Variants in CBLN2 observed in about 807,000 individuals in gnomAD.
CBLN2 encodes the protein cerebellin-2.
In CBLN2, 7 loss-of-function variants were observed where a neutral mutation model predicts 15.0. The observed-to-expected ratio is 0.47, with a 90% CI of 0.27 to 0.88. The LOEUF is 0.88. Ranked by LOEUF, CBLN2 falls within the 40% of genes least tolerant of loss-of-function variation. The pLI is 0.14. For synonymous variants in CBLN2, 149 were observed against 135.2 expected (o/e 1.10, Z -0.71); for missense variants, 242 against 304.5 (o/e 0.79, Z 1.53).
chr18:72,619,797 T>G (rs756785448), intron 1 of CBLN2, among the ~76,000 whole-genome samples: 3 of 152,246 alleles, frequency 2.0e-5, no homozygotes, highest in Non-Finnish European at 4.4e-5. Flanking sequence ...TATTATTTCT[T>G]AGTAACATAT....
At chr18:72,584,562 A>ACCTC (rs2069429776) in intron 1 of CBLN2, among the ~76,000 whole-genome samples, 1 of 152,096 alleles carries the variant, frequency 6.6e-6, no homozygotes, top group South Asian at 2.1e-4. Context: ...TCAGCCTCCC[A>ACCTC]AAGTGCTGGG....
At chr18:72,538,502 A>G in intron 4 of CBLN2, 129 bp from the exon 5 acceptor site, 3 of 1,414,478 alleles carry the variant, frequency 2.1e-6, no homozygotes, top group Non-Finnish European at 3.0e-6. Flanking sequence ...GGAGCCTGAC[A>G]GTGAGCACTC....
At chr18:72,565,160 A>G (rs2069286293) in intron 1 of CBLN2, among the ~76,000 whole-genome samples, 3 of 152,172 alleles carry the variant, frequency 2.0e-5, no homozygotes, top group Admixed American at 2.0e-4. Context: ...TGAAAGAGAA[A>G]GGATGGTAGT....
At chr18:72,616,360 T>G (rs2069662115) in intron 1 of CBLN2, among the ~76,000 whole-genome samples, 1 of 152,186 alleles carries the variant, frequency 6.6e-6, no homozygotes, top group Admixed American at 6.5e-5. Flanking sequence ...GGTGCATTTT[T>G]TCTTTCACTA....
At chr18:72,546,467 C>T (rs1047640016), upstream of CBLN2, among the ~76,000 whole-genome samples, 4 of 151,858 alleles carry the variant, frequency 2.6e-5, no homozygotes, top group Non-Finnish European at 4.4e-5. Context: ...ATATTTAAGT[C>T]AAGTGTTGGA....
chr18:72,588,597 C>T (rs2069458221), intron 1 of CBLN2, among the ~76,000 whole-genome samples: 1 of 152,196 alleles, frequency 6.6e-6, no homozygotes, highest in African/African-American at 2.4e-5. Flanking sequence ...GGGGAAGACA[C>T]ACTTCGACAG....
intron 1 of CBLN2, among the ~76,000 whole-genome samples, chr18:72,586,168 C>T (rs1275628805): frequency 6.6e-6 from 1 of 152,226 alleles, no homozygotes; most frequent in African/African-American, 2.4e-5. Context: ...GCATGCAGCC[C>T]TGGCCATGCC....
chr18:72,616,586 T>C (rs1425563695), intron 1 of CBLN2, among the ~76,000 whole-genome samples: 1 of 152,218 alleles, frequency 6.6e-6, no homozygotes, highest in Non-Finnish European at 1.5e-5. Flanking sequence ...GAGTATTTGT[T>C]TGAGTATGGA....
intron 1 of CBLN2, among the ~76,000 whole-genome samples, chr18:72,600,350 AT>A: frequency 6.6e-6 from 1 of 152,288 alleles, no homozygotes; most frequent in Admixed American, 6.5e-5. Context: ...TCAATATATG[AT>A]TCATATAGGA....
At chr18:72,584,991 C>A (rs2069432822) in intron 1 of CBLN2, among the ~76,000 whole-genome samples, 1 of 152,192 alleles carries the variant, frequency 6.6e-6, no homozygotes. Flanking sequence ...TCACTGTGCA[C>A]AGCCAGACAC....
rs567046798 is a variant in CBLN2, at chr18:72,553,521, G to A, written c.16-14749C>T. On this transcript the variant is annotated intron_variant, in intron 1 of 2. Coordinates refer to the CBLN2 transcript ENST00000581073. Reference sequence around the variant, plus strand: ...ATAGATATGAAAACAGATTATACGTGTACATATATATTACAAATGTGTGCA... The same window carrying A: ...ATAGATATGAAAACAGATTATACGTATACATATATATTACAAATGTGTGCA... 1.1e-4 allele frequency among the ~76,000 whole-genome samples: 17 copies of A among 152,142 alleles called. No individual in the cohort carries two copies. In the South Asian group the frequency reaches 3.5e-3, roughly 32 times the overall value.
At chr18:72,618,309 G>A in intron 1 of CBLN2, 1 of 435,640 alleles carries the variant, frequency 2.3e-6, no homozygotes, top group Admixed American at 3.4e-5. Flanking sequence ...TTAGCTGCGG[G>A]AGCTCTTCAT....
At chr18:72,628,414 A>G (rs1393354342) in intron 1 of CBLN2, among the ~76,000 whole-genome samples, 2 of 152,170 alleles carry the variant, frequency 1.3e-5, no homozygotes, top group East Asian at 3.9e-4. Flanking sequence ...TGACAGAGGG[A>G]GAAACTGAGC....
intron 3 of CBLN2, among the ~76,000 whole-genome samples, chr18:72,541,006 G>A (rs1169001933): frequency 6.6e-6 from 1 of 152,196 alleles, no homozygotes; most frequent in African/African-American, 2.4e-5. Context: ...CAAAAAGAAG[G>A]TCATAGCCTT....
intron 1 of CBLN2, among the ~76,000 whole-genome samples, chr18:72,590,437 G>A (rs1483735150): frequency 6.6e-6 from 1 of 151,940 alleles, no homozygotes; most frequent in Admixed American, 6.6e-5. Flanking sequence ...CAGAGCAAAT[G>A]AGACTCCATC....
intron 1 of CBLN2, among the ~76,000 whole-genome samples, chr18:72,551,838 C>G (rs1018893403): frequency 6.6e-6 from 1 of 152,176 alleles, no homozygotes; most frequent in Non-Finnish European, 1.5e-5. Context: ...TCCTTACCTT[C>G]TTGACTCACC....
rs187150653 is a variant in CBLN2, at chr18:72,582,306, G to A, written c.16-43534C>T. ...AATTTGCAGGCAGAAGCCTTTTAGT[G>A]TCTCCTAACTGACATGATCTGAGTG... On this transcript the variant is annotated intron_variant, in intron 1 of 2. Coordinates refer to the CBLN2 transcript ENST00000581073. Among the ~76,000 whole-genome samples, 10 of 152,280 alleles carry A rather than the reference G, an allele frequency of 6.6e-5. No individual in the cohort carries two copies. In the East Asian group the frequency reaches 1.7e-3, roughly 26 times the overall value.
intron 1 of CBLN2, among the ~76,000 whole-genome samples, chr18:72,554,082 C>A (rs2069208502): frequency 6.6e-6 from 1 of 152,102 alleles, no homozygotes; most frequent in Non-Finnish European, 1.5e-5. Flanking sequence ...ATAATCTCTT[C>A]TATAATTTAT....
At chr18:72,583,052 A>T (rs967792819) in intron 1 of CBLN2, among the ~76,000 whole-genome samples, 2 of 152,116 alleles carry the variant, frequency 1.3e-5, no homozygotes, top group South Asian at 4.1e-4. Context: ...GAATTTGCAG[A>T]ACTGAAGTGA....
Sources: gnomAD v4.1 joint callset for allele counts (sites outside exome capture counted in the v4.1 genomes callset) on GRCh38, gnomAD v4.1.1 for gene constraint, MANE v1.5 for transcripts, NCBI Gene and HGNC (gene_info 2026-07-23, HGNC 2026-07-21) for gene names.